Variants in BRD3OS observed in about 807,000 individuals in gnomAD.
BRD3OS encodes the protein BRD3 opposite strand.
At position 134,030,005 on chromosome 9, in the gene BRD3OS, T is replaced by A. The variant is rs1214482254; in HGVS notation, c.*3003T>A. ...TGGAGTGCAGTGATGCAATCATGGC[T>A]TACTGCAGCCTCAAACTCCTGGCCT... On this transcript the variant is annotated 3_prime_UTR_variant, in exon 3 of 3. Coordinates refer to ENST00000603928, the MANE Select transcript of BRD3OS (RefSeq NM_001355256.2). The A allele has an allele frequency of 1.3e-5, 2 of 152,238 alleles. No homozygotes were observed. Among genetic ancestry groups the A allele is most frequent in the East Asian group, 3.8e-4 (2 of 5,204 alleles). The allele number at this position is 152,238 out of a possible 1,614,324, so 9.4% of individuals were successfully genotyped here. A position where few individuals can be genotyped will look rare whatever the true frequency, so the allele number is the denominator to read the frequency against.
rs1201926786 is a variant in BRD3OS at position 134,028,290 on chromosome 9, GCA to G, written c.*1294_*1295del. Reference sequence around the variant, plus strand: ...GATGCGTCCCACAGCTCCTCAGCATGCACACACGGTCACGTGATTCTGACGGC... The same window carrying G: ...GATGCGTCCCACAGCTCCTCAGCATGCACACGGTCACGTGATTCTGACGGC... On this transcript the variant is annotated 3_prime_UTR_variant, in exon 3 of 3. Transcript: ENST00000603928. 2.0e-5 allele frequency: 3 copies of G among 152,270 alleles called. No individual in the cohort carries two copies. Among genetic ancestry groups the G allele is most frequent in the African/African-American group, 7.2e-5 (3 of 41,464 alleles). 9.4% of individuals were successfully genotyped at this position (152,270 alleles called of 1,614,324 possible).
rs1356873526 is a variant in BRD3OS at position 134,027,214 on chromosome 9, C to T, written c.*212C>T. 1 of 361,052 alleles carries T rather than the reference C, an allele frequency of 2.8e-6. No individual in the cohort carries two copies. The highest frequency in any genetic ancestry group is 4.9e-6 in the Non-Finnish European group (1 of 202,896). The allele number at this position is 361,052 out of a possible 1,614,324, so 22.4% of individuals were successfully genotyped here. On this transcript the variant is annotated 3_prime_UTR_variant, in exon 3 of 3. Transcript: ENST00000603928. ...GTGACTGGTGCACAGGACACTTCCC[C>T]TCTAGAGTCCCCTCCGTGGTCAGCT...
chr9:134,026,793 T>C lies in BRD3OS; in HGVS notation c.46T>C (p.Tyr16His), dbSNP rs1013542976. ...GGCAGAGAAGGCCTTGTCTGAAGGC[T>C]ACGCCCGCCTCCGGTACAGGGACAC... is the stretch of plus-strand genomic sequence containing the variant. ...PLAEKALSEG[Y>H]ARLRYRDTSL... is the part of the protein sequence containing the mutation. Residue 16 changes from tyrosine to histidine, a missense_variant, in exon 3 of 3, where the codon TAC becomes CAC. Transcript: ENST00000603928. This position sits in a 1 kb window ranked among gnomAD's most constrained non-coding sequence, Gnocchi z 4.4. The C allele has an allele frequency of 7.5e-6, 3 of 398,718 alleles. No homozygotes were observed. Among genetic ancestry groups the C allele is most frequent in the African/African-American group, 4.1e-5 (2 of 48,588 alleles). 24.7% of individuals were successfully genotyped at this position (398,718 alleles called of 1,614,324 possible). A position where few individuals can be genotyped will look rare whatever the true frequency, so the allele number is the denominator to read the frequency against.
rs1330391992 is a variant in BRD3OS, at chr9:134,027,507, C to T, written c.*505C>T. The T allele has an allele frequency of 1.3e-5, 2 of 152,208 alleles. No homozygotes were observed. Among genetic ancestry groups the T allele is most frequent in the African/African-American group, 2.4e-5 (1 of 41,430 alleles). The allele number at this position is 152,208 out of a possible 1,614,324, so 9.4% of individuals were successfully genotyped here. ...TTACCCAGGCTGGAATACAGTGGCA[C>T]AATCACAGCTCACTGTAGGCTCTAT... On this transcript the variant is annotated 3_prime_UTR_variant, in exon 3 of 3. Transcript: ENST00000603928.
chr9:134,026,723 G>A lies in BRD3OS; in HGVS notation c.-25G>A, dbSNP rs1210757986. 2.5e-6 allele frequency: 1 copy of A among 398,778 alleles called. No homozygotes were observed. Among genetic ancestry groups the A allele is most frequent in the Non-Finnish European group, 4.4e-6 (1 of 226,076 alleles). The allele number at this position is 398,778 out of a possible 1,614,324, so 24.7% of individuals were successfully genotyped here. A position where few individuals can be genotyped will look rare whatever the true frequency, so the allele number is the denominator to read the frequency against. Reference sequence around the variant, plus strand: ...CCGTCTCAGAACAGCAGGGTTCCCAGGAGTCCAGCGGGACGGGGGAGGGGA... The same window carrying A: ...CCGTCTCAGAACAGCAGGGTTCCCAAGAGTCCAGCGGGACGGGGGAGGGGA... On this transcript the variant is annotated 5_prime_UTR_variant, in exon 3 of 3. Transcript: ENST00000603928. This position sits in a 1 kb window ranked among gnomAD's most constrained non-coding sequence, Gnocchi z 4.4.
rs1843423355 is a variant in BRD3OS at position 134,025,875 on chromosome 9, G to C, written c.-756G>C. Reference sequence around the variant, plus strand: ...TCACGGGAGCTGGATGCTCGGAGCAGCAAGGCGGCCCTGGGGGCCCCTTCC... The same window carrying C: ...TCACGGGAGCTGGATGCTCGGAGCACCAAGGCGGCCCTGGGGGCCCCTTCC... On this transcript the variant is annotated 5_prime_UTR_variant, in exon 2 of 3. Coordinates refer to ENST00000603928, the MANE Select transcript of BRD3OS (RefSeq NM_001355256.2). The C allele has an allele frequency of 6.6e-6, 1 of 152,222 alleles. No homozygotes were observed. The allele number at this position is 152,222 out of a possible 1,614,324, so 9.4% of individuals were successfully genotyped here. A position where few individuals can be genotyped will look rare whatever the true frequency, so the allele number is the denominator to read the frequency against.
rs1156448185 is a variant in BRD3OS, at chr9:134,030,296, AAAAC to A, written c.*3296_*3299del. 1 of 145,144 alleles carries A rather than the reference AAAAC, an allele frequency of 6.9e-6. No individual in the cohort carries two copies. The highest frequency in any genetic ancestry group is 2.7e-5 in the African/African-American group (1 of 36,886). The allele number at this position is 145,144 out of a possible 1,614,324, so 9.0% of individuals were successfully genotyped here. ...AAAGCACAGGAAAATGCAAAAAAAA[AAAAC>A]AGTCTTTTTTTTTTTTTTTTTTTTT... On this transcript the variant is annotated 3_prime_UTR_variant, in exon 3 of 3. Coordinates refer to ENST00000603928, the MANE Select transcript of BRD3OS (RefSeq NM_001355256.2).
In BRD3OS at chr9:134,029,723, T is replaced by C. The variant is rs1285660532; in HGVS notation, c.*2721T>C. On this transcript the variant is annotated 3_prime_UTR_variant, in exon 3 of 3. Transcript: ENST00000603928. ...GATTTTATTTGCATTTCCATTAGAC[T>C]GAGCGCATCACAAGCCACTTCAGGA... 2 of 152,250 alleles carry C rather than the reference T, an allele frequency of 1.3e-5. No individual in the cohort carries two copies. The highest frequency in any genetic ancestry group is 2.9e-5 in the Non-Finnish European group (2 of 68,064). 9.4% of individuals were successfully genotyped at this position (152,250 alleles called of 1,614,324 possible).
In BRD3OS at chr9:134,026,875, C is replaced by T. The variant is rs1020660650; in HGVS notation, c.128C>T (p.Thr43Met). 7 of 398,820 alleles carry T rather than the reference C, an allele frequency of 1.8e-5. No homozygotes were observed. The highest frequency in any genetic ancestry group is 1.4e-4 in the African/African-American group (7 of 48,612). 24.7% of individuals were successfully genotyped at this position (398,820 alleles called of 1,614,324 possible). A position where few individuals can be genotyped will look rare whatever the true frequency, so the allele number is the denominator to read the frequency against. ...AAGTTGGAGTCGGTGCCACCTGGGA[C>T]GTACCTGAGCAGGAGCCGAAGCATG... is the stretch of plus-strand genomic sequence containing the variant. ...QQKLESVPPG[T>M]YLSRSRSMWY... Residue 43 changes from threonine (T) to methionine (M), a missense_variant, in exon 3 of 3, where the codon ACG becomes ATG. Physicochemically the swap from Thr to Met is moderately conservative, Grantham distance 81 (BLOSUM62 -1). Transcript: ENST00000603928. This position sits in a 1 kb window ranked among gnomAD's most constrained non-coding sequence, Gnocchi z 4.4.
In BRD3OS at chr9:134,027,020, G is replaced by A; in HGVS notation, c.*18G>A. 2.5e-6 allele frequency: 1 copy of A among 398,848 alleles called. No homozygotes were observed. Among genetic ancestry groups the A allele is most frequent in the Non-Finnish European group, 4.4e-6 (1 of 226,062 alleles). 24.7% of individuals were successfully genotyped at this position (398,848 alleles called of 1,614,324 possible). Reference sequence around the variant, plus strand: ...TTATGTAATTCCGATGTGAGCACCTGAACCCAGGACCACACTTTGAGGAAA... The same window carrying A: ...TTATGTAATTCCGATGTGAGCACCTAAACCCAGGACCACACTTTGAGGAAA... On this transcript the variant is annotated 3_prime_UTR_variant, in exon 3 of 3. Transcript: ENST00000603928.
chr9:134,026,449 T>A lies in BRD3OS; in HGVS notation c.-299T>A, dbSNP rs1588262972. On this transcript the variant is annotated 5_prime_UTR_variant, in exon 3 of 3. Transcript: ENST00000603928. The surrounding 1 kb of genome is among the most constrained non-coding windows in gnomAD (Gnocchi z 4.4). Reference sequence around the variant, plus strand: ...TCACCCCCCAGGGTGTGACGCCTCGTCCCTGTCAATTCCACACAGCTGCAC... The same window carrying A: ...TCACCCCCCAGGGTGTGACGCCTCGACCCTGTCAATTCCACACAGCTGCAC... 4.3e-6 allele frequency: 1 copy of A among 233,538 alleles called. No individual in the cohort carries two copies. The highest frequency in any genetic ancestry group is 8.2e-5 in the East Asian group (1 of 12,196). 14.5% of individuals were successfully genotyped at this position (233,538 alleles called of 1,614,324 possible).
rs1843465990 is a variant in BRD3OS at position 134,028,648 on chromosome 9, CAAAGTACTGGG to C, written c.*1648_*1658del. 6.6e-6 allele frequency: 1 copy of C among 152,336 alleles called. No homozygotes were observed. Among genetic ancestry groups the C allele is most frequent in the South Asian group, 2.1e-4 (1 of 4,840 alleles). 9.4% of individuals were successfully genotyped at this position (152,336 alleles called of 1,614,324 possible). A position where few individuals can be genotyped will look rare whatever the true frequency, so the allele number is the denominator to read the frequency against. On this transcript the variant is annotated 3_prime_UTR_variant, in exon 3 of 3. Coordinates refer to ENST00000603928, the MANE Select transcript of BRD3OS (RefSeq NM_001355256.2). The stretch of plus-strand genomic sequence containing the variant: ...AGGTGATCTGCCCACCTCGGCCTCC[CAAAGTACTGGG>C]ATTACAGGCGTGAGCCACCGCACCC...
rs1843431686 is a variant in BRD3OS, at chr9:134,026,555, G to A, written c.-193G>A. The A allele has an allele frequency of 2.6e-6, 1 of 379,278 alleles. No individual in the cohort carries two copies. The highest frequency in any genetic ancestry group is 4.5e-5 in the Admixed American group (1 of 22,034). 23.5% of individuals were successfully genotyped at this position (379,278 alleles called of 1,614,324 possible). A position where few individuals can be genotyped will look rare whatever the true frequency, so the allele number is the denominator to read the frequency against. ...TCTCAGGTGTCTTCAGAATGGTGAG[G>A]CCGCCTCATTTCCTCACCACACAAC... On this transcript the variant is annotated 5_prime_UTR_variant, in exon 3 of 3. Transcript: ENST00000603928. The surrounding 1 kb of genome is among the most constrained non-coding windows in gnomAD (Gnocchi z 4.4).
chr9:134,028,843 C>G lies in BRD3OS; in HGVS notation c.*1841C>G, dbSNP rs1245568398. ...CTTTGCAGCTGTGCAAGTTCATTCG[C>G]AAACGTCCTAGAAGTGGAACTGCTG... On this transcript the variant is annotated 3_prime_UTR_variant, in exon 3 of 3. Coordinates refer to ENST00000603928, the MANE Select transcript of BRD3OS (RefSeq NM_001355256.2). 1 of 152,336 alleles carries G rather than the reference C, an allele frequency of 6.6e-6. No homozygotes were observed. Among genetic ancestry groups the G allele is most frequent in the East Asian group, 1.9e-4 (1 of 5,192 alleles). 9.4% of individuals were successfully genotyped at this position (152,336 alleles called of 1,614,324 possible).
In BRD3OS at chr9:134,031,411, G is replaced by A; in HGVS notation, c.*4409G>A. 1 of 208,746 alleles carries A rather than the reference G, an allele frequency of 4.8e-6. No individual in the cohort carries two copies. The highest frequency in any genetic ancestry group is 7.2e-5 in the East Asian group (1 of 13,842). 12.9% of individuals were successfully genotyped at this position (208,746 alleles called of 1,614,324 possible). The stretch of plus-strand genomic sequence containing the variant: ...CTGGCAGCACGTTACCAACCAGCCT[G>A]CGTGAAGACCTGTCAACTGTCGTGT... On this transcript the variant is annotated 3_prime_UTR_variant, in exon 3 of 3. Transcript: ENST00000603928.
chr9:134,030,304 CTTTTTTT>C lies in BRD3OS; in HGVS notation c.*3317_*3323del, dbSNP rs60558736. On this transcript the variant is annotated 3_prime_UTR_variant, in exon 3 of 3. Transcript: ENST00000603928. ...GGAAAATGCAAAAAAAAAAAACAGT[CTTTTTTT>C]TTTTTTTTTTTTTTGCTTTTTATTA... 1.7e-3 allele frequency: 135 copies of C among 78,116 alleles called. 4 individuals carry two copies. Among genetic ancestry groups the C allele is most frequent in the Admixed American group, 4.6e-3 (25 of 5,458 alleles). The allele number at this position is 78,116 out of a possible 1,614,324, so 4.8% of individuals were successfully genotyped here.
Position 134,026,942 on chromosome 9 carries a change from C to T in BRD3OS, c.195C>T (p.Asp65=), listed in dbSNP as rs1051298337. Residue 65 remains aspartate (D), a synonymous_variant, in exon 3 of 3, where the codon GAC becomes GAT. Coordinates refer to ENST00000603928, the MANE Select transcript of BRD3OS (RefSeq NM_001355256.2). The surrounding 1 kb of genome is among the most constrained non-coding windows in gnomAD (Gnocchi z 4.4). ...QYGNEAILVR[D]KNKLEVSRDT... is the part of the protein sequence containing the mutation. The stretch of plus-strand genomic sequence containing the variant: ...GAAATGAGGCCATCTTGGTCCGAGA[C>T]AAAAACAAGCTCGAGGTCTCTAGGG... 5.0e-6 allele frequency: 2 copies of T among 398,802 alleles called. No homozygotes were observed. The highest frequency in any genetic ancestry group is 4.1e-5 in the African/African-American group (2 of 48,620). 24.7% of individuals were successfully genotyped at this position (398,802 alleles called of 1,614,324 possible).
In BRD3OS at chr9:134,027,869, A is replaced by G. The variant is rs970852895; in HGVS notation, c.*867A>G. Reference sequence around the variant, plus strand: ...TGGCCTACAGTGACTTCCATGTAGTAACAGGGCTGAGCAAGGCAGGCTCTC... The same window carrying G: ...TGGCCTACAGTGACTTCCATGTAGTGACAGGGCTGAGCAAGGCAGGCTCTC... On this transcript the variant is annotated 3_prime_UTR_variant, in exon 3 of 3. Coordinates refer to ENST00000603928, the MANE Select transcript of BRD3OS (RefSeq NM_001355256.2). 2 of 152,266 alleles carry G rather than the reference A, an allele frequency of 1.3e-5. No individual in the cohort carries two copies. Among genetic ancestry groups the G allele is most frequent in the Non-Finnish European group, 2.9e-5 (2 of 68,052 alleles). The allele number at this position is 152,266 out of a possible 1,614,324, so 9.4% of individuals were successfully genotyped here.
chr9:134,030,894 C>T lies in BRD3OS; in HGVS notation c.*3892C>T, dbSNP rs1843502176. On this transcript the variant is annotated 3_prime_UTR_variant, in exon 3 of 3. Coordinates refer to ENST00000603928, the MANE Select transcript of BRD3OS (RefSeq NM_001355256.2). ...ACACACGACTTGTCACTACTCCTCT[C>T]CCCTTGAAAAAAGCATGTTAGAAGC... is the stretch of plus-strand genomic sequence containing the variant. The T allele has an allele frequency of 4.3e-6, 1 of 232,074 alleles. No individual in the cohort carries two copies. The highest frequency in any genetic ancestry group is 2.2e-5 in the African/African-American group (1 of 45,280). 14.4% of individuals were successfully genotyped at this position (232,074 alleles called of 1,614,324 possible).
Sources: allele counts gnomAD v4.1 joint callset, GRCh38; gene constraint gnomAD v4.1.1; non-coding constraint Gnocchi (gnomAD v3.1); transcripts MANE v1.5; gene names NCBI Gene and HGNC (gene_info 2026-07-23, HGNC 2026-07-21).